MARCHF1: variants seen among roughly 807,000 people sequenced by gnomAD.
MARCHF1 encodes E3 ubiquitin-protein ligase MARCHF1.
A neutral mutation model predicts 54.2 loss-of-function variants in MARCHF1; 40 were observed. The ratio of observed to expected loss-of-function variants is 0.74; its 90% CI spans 0.57 to 0.96. MARCHF1 has a LOEUF of 0.96. Ranked by LOEUF, MARCHF1 falls within the 40% of genes least tolerant of loss-of-function variation. The pLI, the probability that MARCHF1 is intolerant of heterozygous loss-of-function variation, is 0.00. For missense variants in MARCHF1, 586 were observed against 656.5 expected, an observed-to-expected ratio of 0.89 and a Z score of 1.17; for synonymous variants, 236 against 236.3, an observed-to-expected ratio of 1.00 and a Z score of 0.01.
At chr4:163,706,403 A>G (rs1386629324) in intron 4 of MARCHF1, among the ~76,000 whole-genome samples, 1 of 152,064 alleles carries the variant, frequency 6.6e-6, no homozygotes, top group Non-Finnish European at 1.5e-5. Context: ...GTGAGCCATT[A>G]CATTTTTGAT....
intron 2 of MARCHF1, among the ~76,000 whole-genome samples, chr4:164,086,786 T>C (rs1345882588): frequency 6.6e-6 from 1 of 152,080 alleles, no homozygotes; most frequent in East Asian, 1.9e-4. Flanking sequence ...GATTTTTCAT[T>C]ATGAATGTGG....
chr4:164,060,298 T>C (rs1224874694), intron 2 of MARCHF1, among the ~76,000 whole-genome samples: 2 of 152,122 alleles, frequency 1.3e-5, no homozygotes, highest in Non-Finnish European at 2.9e-5. Flanking sequence ...TGTGATTACA[T>C]GTGTAATTAT....
At chr4:163,617,636 T>TA (rs1419909065) in intron 5 of MARCHF1, among the ~76,000 whole-genome samples, 1 of 152,194 alleles carries the variant, frequency 6.6e-6, no homozygotes, top group East Asian at 1.9e-4. Flanking sequence ...ATCTGTTCTC[T>TA]AAGCAGTATA....
At chr4:163,701,149 T>C (rs1384720060) in intron 4 of MARCHF1, among the ~76,000 whole-genome samples, 1 of 152,202 alleles carries the variant, frequency 6.6e-6, no homozygotes, top group Non-Finnish European at 1.5e-5. Flanking sequence ...AGAAAAATTT[T>C]TGAAATTCTT....
chr4:164,086,833 G>C, intron 2 of MARCHF1, among the ~76,000 whole-genome samples: 1 of 151,914 alleles, frequency 6.6e-6, no homozygotes, highest in Non-Finnish European at 1.5e-5. Flanking sequence ...GAAGATAGAT[G>C]GTGTCTTGAG....
At chr4:163,804,129 TACA>T (rs1484033038) in intron 4 of MARCHF1, among the ~76,000 whole-genome samples, 4 of 152,214 alleles carry the variant, frequency 2.6e-5, no homozygotes, top group Non-Finnish European at 4.4e-5. Flanking sequence ...ATTATAGAAC[TACA>T]ACAAGACTAC....
At chr4:164,366,233 T>C (rs1730876518) in intron 1 of MARCHF1, among the ~76,000 whole-genome samples, 1 of 152,090 alleles carries the variant, frequency 6.6e-6, no homozygotes, top group Non-Finnish European at 1.5e-5. Flanking sequence ...TTCATAGGGC[T>C]TGTCCATTCC....
intron 1 of MARCHF1, among the ~76,000 whole-genome samples, chr4:164,316,886 A>G (rs1416574149): frequency 6.6e-6 from 1 of 152,118 alleles, no homozygotes; most frequent in African/African-American, 2.4e-5. Flanking sequence ...TACTCCAGCC[A>G]TGTAAGATGT....
intron 4 of MARCHF1, among the ~76,000 whole-genome samples, chr4:163,779,781 C>G (rs114949375): frequency 2.0e-3 from 298 of 152,148 alleles, no homozygotes; most frequent in African/African-American, 6.9e-3. Context: ...TTTCTAAAAT[C>G]TACCCTAATG....
intron 1 of MARCHF1, among the ~76,000 whole-genome samples, chr4:164,302,018 G>A (rs34903878): frequency 1.3e-5 from 2 of 152,166 alleles, no homozygotes; most frequent in Non-Finnish European, 2.9e-5. Flanking sequence ...GAGTATGGAC[G>A]TATCAGTCTC....
chr4:163,543,664 T>G (rs947311485), intron 9 of MARCHF1, among the ~76,000 whole-genome samples: 1 of 152,280 alleles, frequency 6.6e-6, no homozygotes, highest in Non-Finnish European at 1.5e-5. Context: ...TTTTTGTGGC[T>G]GAAGTTGAGA....
At chr4:163,725,552 A>G (rs1290054556) in intron 4 of MARCHF1, among the ~76,000 whole-genome samples, 1 of 152,192 alleles carries the variant, frequency 6.6e-6, no homozygotes, top group African/African-American at 2.4e-5. Flanking sequence ...GTAATATAGA[A>G]AGTAATGAAT....
intron 4 of MARCHF1, among the ~76,000 whole-genome samples, chr4:163,726,029 G>C (rs928177720): frequency 2.6e-5 from 4 of 151,876 alleles, no homozygotes; most frequent in African/African-American, 9.7e-5. Context: ...TTTAGGTATA[G>C]AGATTTCCCT....
intron 1 of MARCHF1, among the ~76,000 whole-genome samples, chr4:164,354,869 T>C (rs77412538): frequency 0.13 from 10,039 of 80,186 alleles, 60 homozygotes; most frequent in Non-Finnish European, 0.16. Context: ...AAAACCCCAT[T>C]GTCTCAGCCC....
In MARCHF1 at chr4:163,862,885, A is replaced by T. The variant is rs986446453; in HGVS notation, c.-38-8716T>A. Among the ~76,000 whole-genome samples, 20 of 152,112 alleles carry T rather than the reference A, an allele frequency of 1.3e-4. 1 individual carries two copies. The highest frequency in any genetic ancestry group is 6.4e-3 in the Middle Eastern group (2 of 314). ...ATACATCATATTATTCAGTAATTAAAGGAAATTACCTATCAAACCATAAAA... is the reference window on the plus strand; with the variant it reads ...ATACATCATATTATTCAGTAATTAATGGAAATTACCTATCAAACCATAAAA... On this transcript the variant is annotated intron_variant, in intron 3 of 9. Transcript: ENST00000514618.
chr4:163,548,717 A>C (rs1048994772), intron 8 of MARCHF1, among the ~76,000 whole-genome samples: 1 of 152,248 alleles, frequency 6.6e-6, no homozygotes, highest in African/African-American at 2.4e-5. Context: ...AATATTCAGT[A>C]AATGGCGCTG....
intron 4 of MARCHF1, among the ~76,000 whole-genome samples, chr4:163,707,893 G>A (rs1744995883): frequency 6.6e-6 from 1 of 151,554 alleles, no homozygotes; most frequent in Non-Finnish European, 1.5e-5. Flanking sequence ...TTCTGGGCTG[G>A]AACTCTACAA....
At chr4:163,937,511 AATAT>A (rs1372812143) in intron 3 of MARCHF1, among the ~76,000 whole-genome samples, 1 of 151,436 alleles carries the variant, frequency 6.6e-6, no homozygotes, top group African/African-American at 2.4e-5. Context: ...TATAAATATA[AATAT>A]ATACATATAT....
chr4:164,076,612 G>T (rs945624233), intron 2 of MARCHF1, among the ~76,000 whole-genome samples: 3 of 152,056 alleles, frequency 2.0e-5, no homozygotes, highest in Non-Finnish European at 1.5e-5. Flanking sequence ...CTCTGCAGAG[G>T]ACATGATTGT....
Sources: gnomAD v4.1 joint callset for allele counts (sites outside exome capture counted in the v4.1 genomes callset) on GRCh38, gnomAD v4.1.1 for gene constraint, MANE v1.5 for transcripts, NCBI Gene and HGNC (gene_info 2026-07-23, HGNC 2026-07-21) for gene names.